TUB: variants seen among roughly 807,000 people sequenced by gnomAD.
TUB encodes the protein TUB bipartite transcription factor.
A neutral mutation model predicts 59.7 loss-of-function variants in TUB; 33 were observed. That is an observed-to-expected ratio of 0.55 (90% CI 0.42 to 0.74). The LOEUF is 0.74. Among genes scored for constraint, TUB ranks in the 30% least tolerant of loss-of-function variants. The pLI is 0.00. For synonymous variants in TUB, 293 were observed against 256.4 expected, an observed-to-expected ratio of 1.14 and a Z score of -1.36; for missense variants, 659 against 672.0, an observed-to-expected ratio of 0.98 and a Z score of 0.21.
upstream of TUB, among the ~76,000 whole-genome samples, chr11:8,079,672 A>G (rs72848451): frequency 2.5e-5 from 2 of 79,864 alleles, no homozygotes; most frequent in East Asian, 5.0e-4. Flanking sequence ...GCATGTGTGT[A>G]GGTGTGTGTA....
chr11:8,098,673 G>A (rs1341493139), intron 8 of TUB, 85 bp from the exon 9 acceptor site: 2 of 983,272 alleles, frequency 2.0e-6, no homozygotes, highest in Non-Finnish European at 3.1e-6. Flanking sequence ...ATGTTTTGCA[G>A]GCTCCTCATA....
rs956217311 is a variant in TUB, at chr11:8,104,573, C to T, written c.*2954C>T. On this transcript the variant is annotated 3_prime_UTR_variant, in exon 12 of 12. Coordinates refer to ENST00000299506, the MANE Select transcript of TUB (RefSeq NM_177972.3). ...TGTTATGATCGCCTGTGGATTTTGT[C>T]CATTCATCTCATGCTCTCTGAACAG... The T allele has an allele frequency of 4.6e-5, 7 of 152,140 alleles. No homozygotes were observed. Among genetic ancestry groups the T allele is most frequent in the African/African-American group, 1.7e-4 (7 of 41,428 alleles). 9.4% of individuals were successfully genotyped at this position (152,140 alleles called of 1,614,324 possible). A position where few individuals can be genotyped will look rare whatever the true frequency, so the allele number is the denominator to read the frequency against.
chr11:8,079,831 T>G (rs75170550), upstream of TUB, among the ~76,000 whole-genome samples: 608 of 152,278 alleles, frequency 4.0e-3, 4 homozygotes, highest in African/African-American at 0.014. Flanking sequence ...GCTGTGTGAC[T>G]TTGGGCAAGA....
intron 1 of TUB, among the ~76,000 whole-genome samples, chr11:8,020,572 C>A (rs1467388230): frequency 6.6e-6 from 1 of 152,192 alleles, no homozygotes; most frequent in African/African-American, 2.4e-5. Context: ...GTCTTGTTTA[C>A]CTCCTCGAGA....
At chr11:8,091,959 A>C (rs371075966) in intron 3 of TUB, among the ~76,000 whole-genome samples, 1 of 152,370 alleles carries the variant, frequency 6.6e-6, no homozygotes, top group East Asian at 1.9e-4. Flanking sequence ...GTGAGGCTGC[A>C]TACAGAATAG....
Position 8,101,831 on chromosome 11 carries a change from AAGGG to A in TUB, c.*214_*217del. ...AGTGGAGAGCGGGTGGGTGGGTGTG[AAGGG>A]ATGAGAATAATTCTTTCCATGCCAC... is the stretch of plus-strand genomic sequence containing the variant. On this transcript the variant is annotated 3_prime_UTR_variant, in exon 12 of 12. Coordinates refer to ENST00000299506, the MANE Select transcript of TUB (RefSeq NM_177972.3). 1 of 714,446 alleles carries A rather than the reference AAGGG, an allele frequency of 1.4e-6. No individual in the cohort carries two copies. The allele number at this position is 714,446 out of a possible 1,614,324, so 44.3% of individuals were successfully genotyped here.
upstream of TUB, among the ~76,000 whole-genome samples, chr11:8,036,504 G>A (rs954435339): frequency 6.6e-6 from 1 of 152,196 alleles, no homozygotes; most frequent in Non-Finnish European, 1.5e-5. Context: ...CACTGTGACC[G>A]ACTGAAGAGT....
chr11:8,046,774 T>C (rs1303004553), intron 2 of TUB, among the ~76,000 whole-genome samples: 2 of 152,148 alleles, frequency 1.3e-5, no homozygotes, highest in Admixed American at 1.3e-4. Flanking sequence ...TAGGATCCTA[T>C]CATCCCCCAC....
At chr11:8,049,578 T>TATATAGATAGATAGATAG (rs1055522231) in intron 2 of TUB, among the ~76,000 whole-genome samples, 86 of 85,928 alleles carry the variant, frequency 1.0e-3, no homozygotes, top group African/African-American at 2.6e-3. Flanking sequence ...TATATATATA[T>TATATAGATAGATAGATAG]ATAGATAGAT....
At chr11:8,028,924 A>G (rs150406950) in intron 1 of TUB, among the ~76,000 whole-genome samples, 1 of 152,320 alleles carries the variant, frequency 6.6e-6, no homozygotes, top group Non-Finnish European at 1.5e-5. Context: ...AGGTGAGAAG[A>G]TCACCTGAGC....
At chr11:8,096,658 T>G in intron 5 of TUB, 27 bp from the exon 6 acceptor site, 2 of 1,467,336 alleles carry the variant, frequency 1.4e-6, no homozygotes, top group Non-Finnish European at 1.9e-6. Flanking sequence ...TCCTCCTTCA[T>G]CCCTTCTTCT....
At chr11:8,095,141 T>G (rs1416326987) in intron 4 of TUB, among the ~76,000 whole-genome samples, 1 of 152,250 alleles carries the variant, frequency 6.6e-6, no homozygotes, top group African/African-American at 2.4e-5. Context: ...GTCGTGTCCA[T>G]GAATGATTGC....
chr11:8,027,492 A>T (rs1206039707), intron 1 of TUB, among the ~76,000 whole-genome samples: 3 of 152,134 alleles, frequency 2.0e-5, no homozygotes, highest in Non-Finnish European at 2.9e-5. Flanking sequence ...GTTTATTTTT[A>T]AAATTTTTTA....
intron 9 of TUB, 64 bp from the exon 10 acceptor site, chr11:8,100,439 C>T: frequency 4.6e-6 from 6 of 1,302,058 alleles, no homozygotes; most frequent in South Asian, 3.7e-5. Context: ...ATTCCCGTCC[C>T]CCCCACCTTC....
chr11:8,027,602 C>A (rs1244922668), intron 1 of TUB, among the ~76,000 whole-genome samples: 1 of 152,150 alleles, frequency 6.6e-6, no homozygotes, highest in African/African-American at 2.4e-5. Context: ...GCAACCTCTG[C>A]CTCTCGGGTT....
At chr11:8,029,853 T>A (rs72847495) in intron 1 of TUB, among the ~76,000 whole-genome samples, 1 of 151,772 alleles carries the variant, frequency 6.6e-6, no homozygotes, top group Non-Finnish European at 1.5e-5. Context: ...GCCAGAGGAG[T>A]CGGGTGGCTA....
At chr11:8,058,512 T>A (rs1446263745) in intron 2 of TUB, among the ~76,000 whole-genome samples, 1 of 152,204 alleles carries the variant, frequency 6.6e-6, no homozygotes, top group Non-Finnish European at 1.5e-5. Context: ...TGTCTAGACC[T>A]GAGAAAGTGA....
At chr11:8,069,389 T>C (rs1330396171) in intron 2 of TUB, 1 of 91,774 alleles carries the variant, frequency 1.1e-5, no homozygotes, top group African/African-American at 3.5e-5. Flanking sequence ...TAGTATTCTT[T>C]GTATTCTTTC....
rs1207413679 is a variant in TUB at position 8,104,640 on chromosome 11, C to G, written c.*3021C>G. 1 of 152,232 alleles carries G rather than the reference C, an allele frequency of 6.6e-6. No individual in the cohort carries two copies. The highest frequency in any genetic ancestry group is 2.4e-5 in the African/African-American group (1 of 41,460). 9.4% of individuals were successfully genotyped at this position (152,232 alleles called of 1,614,324 possible). On this transcript the variant is annotated 3_prime_UTR_variant, in exon 12 of 12. Transcript: ENST00000299506. ...GATACCAGCTTTTTCTCTCAGGGTT[C>G]TGAGTCAGAGGACACCATCCAAGAA...
Sources: gnomAD v4.1 joint callset for allele counts (sites outside exome capture counted in the v4.1 genomes callset) on GRCh38, gnomAD v4.1.1 for gene constraint, MANE v1.5 for transcripts, NCBI Gene and HGNC (gene_info 2026-07-23, HGNC 2026-07-21) for gene names.